Variants in SLC9A9 observed in about 807,000 individuals in gnomAD.
The protein encoded by SLC9A9 is sodium/hydrogen exchanger 9.
In SLC9A9, 62 loss-of-function variants were observed where a neutral mutation model predicts 77.8. That is an observed-to-expected ratio of 0.80 (90% CI 0.65 to 0.98). The LOEUF is 0.98. Ranked by LOEUF, SLC9A9 falls within the 50% of genes least tolerant of loss-of-function variation. The pLI, the probability that SLC9A9 is intolerant of heterozygous loss-of-function variation, is 0.00. For synonymous variants in SLC9A9, 320 were observed against 283.5 expected (o/e 1.13, Z -1.29); for missense variants, 775 against 774.9 (o/e 1.00, Z 0.00).
intron 2 of SLC9A9, among the ~76,000 whole-genome samples, chr3:143,822,760 T>A (rs984564412): frequency 1.1e-4 from 17 of 152,254 alleles, no homozygotes; most frequent in African/African-American, 4.1e-4. Context: ...GAAAGATCCA[T>A]TGTAAATATT....
At chr3:143,734,551 T>C (rs954963821) in intron 4 of SLC9A9, among the ~76,000 whole-genome samples, 22 of 151,668 alleles carry the variant, frequency 1.5e-4, no homozygotes, top group African/African-American at 5.1e-4. Flanking sequence ...CTGGCCAACA[T>C]AGTAAAACCC....
At chr3:143,640,170 G>A (rs767122286) in intron 6 of SLC9A9, among the ~76,000 whole-genome samples, 1 of 151,522 alleles carries the variant, frequency 6.6e-6, no homozygotes, top group African/African-American at 2.4e-5. Flanking sequence ...TACAGGCACC[G>A]GCCACCACGC....
intron 14 of SLC9A9, among the ~76,000 whole-genome samples, chr3:143,279,343 T>C (rs565093257): frequency 6.6e-6 from 1 of 152,324 alleles, no homozygotes; most frequent in Non-Finnish European, 1.5e-5. Flanking sequence ...GGTCCTGCCA[T>C]AGGAATGACC....
intron 11 of SLC9A9, among the ~76,000 whole-genome samples, chr3:143,472,763 T>G (rs1184997366): frequency 1.3e-5 from 2 of 152,274 alleles, no homozygotes; most frequent in Non-Finnish European, 2.9e-5. Flanking sequence ...CAATAATGTC[T>G]GGTTACATAC....
At chr3:143,534,627 T>A (rs1217763354) in intron 9 of SLC9A9, among the ~76,000 whole-genome samples, 1 of 152,120 alleles carries the variant, frequency 6.6e-6, no homozygotes, top group African/African-American at 2.4e-5. Context: ...TCCCAGGAAG[T>A]GTCAGAAGGG....
chr3:143,847,339 G>C (rs1422160769), intron 1 of SLC9A9, among the ~76,000 whole-genome samples: 3 of 152,144 alleles, frequency 2.0e-5, no homozygotes, highest in Non-Finnish European at 4.4e-5. Context: ...GTAAAAACTG[G>C]TGTCTTTCAT....
intron 14 of SLC9A9, among the ~76,000 whole-genome samples, chr3:143,332,868 G>A (rs375119738): frequency 6.6e-6 from 1 of 152,074 alleles, no homozygotes; most frequent in Non-Finnish European, 1.5e-5. Context: ...CATCTATATC[G>A]CTGCTGACTT....
At chr3:143,300,310 G>C (rs2030468868) in intron 14 of SLC9A9, among the ~76,000 whole-genome samples, 1 of 152,204 alleles carries the variant, frequency 6.6e-6, no homozygotes, top group Non-Finnish European at 1.5e-5. Flanking sequence ...TAGAGCACTT[G>C]ACATGCATAT....
chr3:143,692,198 T>C (rs984451454), intron 5 of SLC9A9, among the ~76,000 whole-genome samples: 1 of 151,828 alleles, frequency 6.6e-6, no homozygotes, highest in Non-Finnish European at 1.5e-5. Flanking sequence ...AAATAAAAAA[T>C]AAAAGGGAAA....
intron 9 of SLC9A9, among the ~76,000 whole-genome samples, chr3:143,539,876 AAGAGAGAG>A (rs67678469): frequency 4.7e-5 from 7 of 150,442 alleles, no homozygotes; most frequent in South Asian, 4.2e-4. Flanking sequence ...GTGAAAAATT[AAGAGAGAG>A]AGAGAGAGAG....
rs186219269 is a variant in SLC9A9 at position 143,697,132 on chromosome 3, T to A, written c.534-3825A>T. On this transcript the variant is annotated intron_variant, in intron 4 of 15. Coordinates refer to ENST00000316549, the MANE Select transcript of SLC9A9 (RefSeq NM_173653.4). ...AACATGCAACTATTAAAACTGTATA[T>A]AATAATATATATTAGAAAAATAAAT... is the stretch of plus-strand genomic sequence containing the variant. Among the ~76,000 whole-genome samples, 356 of 151,766 alleles carry A rather than the reference T, an allele frequency of 2.3e-3. 5 individuals carry two copies. In the East Asian group the frequency reaches 0.054, roughly 23 times the overall value.
intron 14 of SLC9A9, among the ~76,000 whole-genome samples, chr3:143,307,136 A>T (rs925511628): frequency 1.3e-5 from 2 of 152,248 alleles, no homozygotes; most frequent in Non-Finnish European, 2.9e-5. Flanking sequence ...TCTGCAGAGA[A>T]GATGATGTAC....
intron 6 of SLC9A9, among the ~76,000 whole-genome samples, chr3:143,592,353 T>C (rs2037662717): frequency 6.6e-6 from 1 of 152,172 alleles, no homozygotes; most frequent in South Asian, 2.1e-4. Context: ...GACTGGTCAC[T>C]GCACTCTAGC....
chr3:143,461,537 A>G (rs775276531), intron 12 of SLC9A9, among the ~76,000 whole-genome samples: 1 of 152,186 alleles, frequency 6.6e-6, no homozygotes, highest in Non-Finnish European at 1.5e-5. Flanking sequence ...AGAATGCTCA[A>G]TCCTTATAAT....
chr3:143,375,030 A>T (rs1355831237), intron 13 of SLC9A9, among the ~76,000 whole-genome samples: 2 of 152,198 alleles, frequency 1.3e-5, no homozygotes, highest in Admixed American at 1.3e-4. Flanking sequence ...TGATAAAATA[A>T]GTAGACAAAA....
At chr3:143,608,427 T>C (rs1470882042) in intron 6 of SLC9A9, among the ~76,000 whole-genome samples, 1 of 152,174 alleles carries the variant, frequency 6.6e-6, no homozygotes, top group Non-Finnish European at 1.5e-5. Flanking sequence ...GAATGTGAAC[T>C]TCTGAGGTTT....
chr3:143,400,848 T>C (rs1048531678), intron 12 of SLC9A9, among the ~76,000 whole-genome samples: 10 of 152,088 alleles, frequency 6.6e-5, no homozygotes, highest in Non-Finnish European at 1.0e-4. Context: ...CTCAGGATCG[T>C]GCAAGTGCTG....
At chr3:143,682,717 C>A (rs1171529375) in intron 5 of SLC9A9, among the ~76,000 whole-genome samples, 2 of 152,116 alleles carry the variant, frequency 1.3e-5, no homozygotes, top group Non-Finnish European at 2.9e-5. Context: ...GTTTCTTTGC[C>A]CTTTCCAACT....
rs1345206832 is a variant in SLC9A9 at position 143,266,406 on chromosome 3, C to T, written c.*296G>A. 1 of 550,380 alleles carries T rather than the reference C, an allele frequency of 1.8e-6. No homozygotes were observed. Among genetic ancestry groups the T allele is most frequent in the Non-Finnish European group, 3.3e-6 (1 of 307,674 alleles). The allele number at this position is 550,380 out of a possible 1,614,324, so 34.1% of individuals were successfully genotyped here. On this transcript the variant is annotated 3_prime_UTR_variant, in exon 16 of 16. Coordinates refer to ENST00000316549, the MANE Select transcript of SLC9A9 (RefSeq NM_173653.4). ...CAGCAGAAATGCCCTGAAGACCCAG[C>T]ACAGCTGTCCCATCCTCCAGCAGCT...
Sources: allele counts gnomAD v4.1 joint callset (sites outside exome capture counted in the v4.1 genomes callset), GRCh38; gene constraint gnomAD v4.1.1; transcripts MANE v1.5; gene names NCBI Gene and HGNC (gene_info 2026-07-23, HGNC 2026-07-21).